Variants in ETFA observed in about 807,000 individuals in gnomAD.
ETFA encodes the protein electron transfer flavoprotein subunit alpha, also known as electron transfer flavoprotein subunit alpha, mitochondrial.
Under a neutral mutation model 46.2 loss-of-function variants are expected in ETFA, and 22 were observed. The observed-to-expected ratio is 0.48, with a 90% CI of 0.34 to 0.68. The LOEUF (loss-of-function observed/expected upper bound fraction) is 0.68, where lower values mean the gene tolerates loss of function less well. ETFA is among the 30% of genes least tolerant of loss of function. The pLI is 0.01. For missense variants in ETFA, 345 were observed against 401.1 expected, an observed-to-expected ratio of 0.86 and a Z score of 1.19; for synonymous variants, 131 against 139.9, an observed-to-expected ratio of 0.94 and a Z score of 0.45.
intron 9 of ETFA, among the ~76,000 whole-genome samples, chr15:76,241,954 A>G (rs1175373969): frequency 1.3e-5 from 2 of 149,284 alleles, no homozygotes; most frequent in Non-Finnish European, 3.0e-5. Flanking sequence ...CTCATGCTTC[A>G]GCCTGCTGAG....
In ETFA at chr15:76,226,724, A is replaced by G. The variant is rs2039008246; in HGVS notation, c.883-795T>C. 2.0e-5 allele frequency among the ~76,000 whole-genome samples: 3 copies of G among 151,824 alleles called. No individual in the cohort carries two copies. In the South Asian group the frequency reaches 6.2e-4, roughly 31 times the overall value. ...AAACCCCGTCTCTACTAAAAAACAC[A>G]AAAAATTAGCCGGGCGTGGTGGCGG... is the stretch of plus-strand genomic sequence containing the variant. On this transcript the variant is annotated intron_variant, in intron 10 of 11. Transcript: ENST00000557943.
At chr15:76,302,585 A>G (rs1291248964) in intron 1 of ETFA, among the ~76,000 whole-genome samples, 1 of 152,156 alleles carries the variant, frequency 6.6e-6, no homozygotes, top group Non-Finnish European at 1.5e-5. Flanking sequence ...TCTGTATGAT[A>G]TAATAATGGT....
chr15:76,263,944 A>G (rs2039445253), intron 9 of ETFA, among the ~76,000 whole-genome samples: 1 of 152,226 alleles, frequency 6.6e-6, no homozygotes, highest in African/African-American at 2.4e-5. Flanking sequence ...TTACTGGGTG[A>G]GAAAATGAAT....
At chr15:76,237,126 C>T (rs189153376) in intron 9 of ETFA, among the ~76,000 whole-genome samples, 6 of 152,110 alleles carry the variant, frequency 3.9e-5, no homozygotes, top group East Asian at 3.9e-4. Context: ...GATCTTGGCT[C>T]GCTGCAACCT....
intron 9 of ETFA, among the ~76,000 whole-genome samples, chr15:76,240,100 A>C (rs1020395069): frequency 2.6e-5 from 4 of 152,344 alleles, no homozygotes; most frequent in Middle Eastern, 3.4e-3. Context: ...CCTGCACTGA[A>C]AATTAATACT....
At chr15:76,299,155 T>C (rs1238864378) in intron 1 of ETFA, among the ~76,000 whole-genome samples, 4 of 152,246 alleles carry the variant, frequency 2.6e-5, no homozygotes, top group Admixed American at 2.6e-4. Context: ...TGCAGGCCTA[T>C]GCCATCCATA....
chr15:76,267,788 A>C (rs2039486532), intron 9 of ETFA, among the ~76,000 whole-genome samples: 1 of 152,236 alleles, frequency 6.6e-6, no homozygotes, highest in Non-Finnish European at 1.5e-5. Flanking sequence ...ACAGGACAAA[A>C]GGAAAATAAA....
At chr15:76,244,099 G>C (rs2039221688) in intron 9 of ETFA, among the ~76,000 whole-genome samples, 1 of 152,052 alleles carries the variant, frequency 6.6e-6, no homozygotes, top group Non-Finnish European at 1.5e-5. Context: ...TGGTCAGGCT[G>C]GTCTCGAACT....
At chr15:76,293,345 T>C (rs1380845245) in intron 2 of ETFA, among the ~76,000 whole-genome samples, 1 of 152,212 alleles carries the variant, frequency 6.6e-6, no homozygotes, top group East Asian at 1.9e-4. Context: ...CTTTTTACTT[T>C]TGGTTCAATC....
At chr15:76,266,890 C>A (rs959497703) in intron 9 of ETFA, among the ~76,000 whole-genome samples, 1 of 147,406 alleles carries the variant, frequency 6.8e-6, no homozygotes, top group Non-Finnish European at 1.5e-5. Flanking sequence ...GGCGACAAAG[C>A]GAGACTCCGT....
intron 9 of ETFA, among the ~76,000 whole-genome samples, chr15:76,265,648 G>A (rs1478878062): frequency 6.6e-6 from 1 of 152,292 alleles, no homozygotes; most frequent in East Asian, 1.9e-4. Context: ...ACCATGTCAA[G>A]GGCGGGATGG....
intron 9 of ETFA, chr15:76,260,445 C>A: frequency 6.3e-7 from 1 of 1,584,828 alleles, no homozygotes; most frequent in Non-Finnish European, 8.6e-7. Context: ...GTGAGGAGGG[C>A]CCTTCTGGCC....
chr15:76,217,319 C>G (rs2038906529), intron 11 of ETFA, among the ~76,000 whole-genome samples: 1 of 152,208 alleles, frequency 6.6e-6, no homozygotes, highest in African/African-American at 2.4e-5. Context: ...ATGACTCCTG[C>G]CAACCTCCTT....
chr15:76,252,252 T>C (rs1462209156), intron 9 of ETFA, among the ~76,000 whole-genome samples: 1 of 152,180 alleles, frequency 6.6e-6, no homozygotes, highest in African/African-American at 2.4e-5. Flanking sequence ...CACTGCACCC[T>C]TGAACTCCTG....
intron 11 of ETFA, chr15:76,217,710 C>T (rs1183349662): frequency 2.3e-6 from 1 of 428,668 alleles, no homozygotes; most frequent in East Asian, 7.3e-5. Context: ...ACTCTGAAAA[C>T]TGGTCCAGCC....
intron 9 of ETFA, among the ~76,000 whole-genome samples, chr15:76,256,022 C>G (rs1464871042): frequency 1.3e-5 from 2 of 151,852 alleles, no homozygotes; most frequent in East Asian, 1.9e-4. Flanking sequence ...CTTTGGGAGG[C>G]CAAGGCAGGT....
intron 9 of ETFA, among the ~76,000 whole-genome samples, chr15:76,257,919 CA>C (rs1344544622): frequency 1.3e-4 from 19 of 145,824 alleles, no homozygotes; most frequent in Admixed American, 1.0e-3. Flanking sequence ...ATCGCAAGGA[CA>C]AAAAAACCAA....
intron 9 of ETFA, chr15:76,261,203 C>G (rs2039408593): frequency 6.5e-7 from 1 of 1,542,982 alleles, no homozygotes; most frequent in African/African-American, 1.4e-5. Context: ...ACAATGGTAA[C>G]AGGTTCAGGG....
At chr15:76,222,061 G>A (rs981766394) in intron 11 of ETFA, among the ~76,000 whole-genome samples, 1 of 151,726 alleles carries the variant, frequency 6.6e-6, no homozygotes, top group African/African-American at 2.4e-5. Flanking sequence ...CTTTCTGTAC[G>A]CTATTATTTG....
Sources: allele counts gnomAD v4.1 joint callset (sites outside exome capture counted in the v4.1 genomes callset), GRCh38; gene constraint gnomAD v4.1.1; transcripts MANE v1.5; gene names NCBI Gene and HGNC (gene_info 2026-07-23, HGNC 2026-07-21).